SLC38A6: variants seen among roughly 807,000 people sequenced by gnomAD.
SLC38A6 encodes the protein N system amino acid transporter NAT-1.
A neutral mutation model predicts 65.0 loss-of-function variants in SLC38A6; 73 were observed. The ratio of observed to expected loss-of-function variants is 1.12; its 90% CI spans 0.93 to 1.37. The LOEUF (loss-of-function observed/expected upper bound fraction) is 1.37, where lower values mean the gene tolerates loss of function less well. Among genes scored for constraint, SLC38A6 ranks in the 40% most tolerant of loss-of-function variants. The pLI, the probability that SLC38A6 is intolerant of heterozygous loss-of-function variation, is 0.00. For synonymous variants in SLC38A6, 183 were observed against 178.8 expected (o/e 1.02, Z -0.19); for missense variants, 561 against 531.1 (o/e 1.06, Z -0.55).
chr14:61,032,026 T>C (rs1268926061), intron 6 of SLC38A6, among the ~76,000 whole-genome samples: 1 of 151,888 alleles, frequency 6.6e-6, no homozygotes, highest in Non-Finnish European at 1.5e-5. Context: ...ATACACATGC[T>C]AATAGCATGT....
chr14:60,987,515 C>G (rs2037544339), intron 3 of SLC38A6: 1 of 152,214 alleles, frequency 6.6e-6, no homozygotes, highest in Non-Finnish European at 1.5e-5. Flanking sequence ...CGTTTGTCAT[C>G]TGTAAAATGG....
intron 6 of SLC38A6, among the ~76,000 whole-genome samples, chr14:61,033,579 A>G (rs2041151380): frequency 6.6e-6 from 1 of 152,106 alleles, no homozygotes; most frequent in South Asian, 2.1e-4. Context: ...TGTATTTAAT[A>G]TGTACTTTTT....
chr14:61,016,005 T>C, intron 4 of SLC38A6, 49 bp downstream of exon 4: 1 of 1,453,402 alleles, frequency 6.9e-7, no homozygotes, highest in Non-Finnish European at 9.4e-7. Flanking sequence ...GTGGCATTTT[T>C]CCTTTTGTTT....
At chr14:61,013,718 T>C (rs571849109) in intron 3 of SLC38A6, among the ~76,000 whole-genome samples, 73 of 152,368 alleles carry the variant, frequency 4.8e-4, no homozygotes, top group African/African-American at 1.6e-3. Flanking sequence ...TGGCCCCCAA[T>C]GTCTTCTGGC....
chr14:60,987,446 A>G (rs2037536048), intron 3 of SLC38A6: 2 of 152,588 alleles, frequency 1.3e-5, no homozygotes, highest in East Asian at 1.9e-4. Flanking sequence ...TTTGGGGTCT[A>G]TCAGGACTTT....
chr14:61,061,011 G>C (rs1026556326), intron 15 of SLC38A6, among the ~76,000 whole-genome samples: 1 of 151,640 alleles, frequency 6.6e-6, no homozygotes, highest in Non-Finnish European at 1.5e-5. Context: ...ACTGGCCTGC[G>C]CCCACTGTCT....
chr14:61,017,821 G>T (rs188512123), intron 4 of SLC38A6, among the ~76,000 whole-genome samples: 103 of 152,306 alleles, frequency 6.8e-4, no homozygotes, highest in African/African-American at 2.4e-3. Context: ...TCTGAATGAG[G>T]AGTTGTTGTT....
intron 3 of SLC38A6, among the ~76,000 whole-genome samples, chr14:60,992,245 G>C (rs1380756288): frequency 5.3e-5 from 8 of 152,144 alleles, no homozygotes; most frequent in African/African-American, 1.9e-4. Context: ...CCATTTAGAT[G>C]TTCCAGAGGC....
At chr14:60,988,273 C>G (rs1325268069) in intron 3 of SLC38A6, among the ~76,000 whole-genome samples, 1 of 152,110 alleles carries the variant, frequency 6.6e-6, no homozygotes, top group Admixed American at 6.5e-5. Context: ...TCTCCTTGAA[C>G]CCCCCAGCTT....
chr14:60,987,490 A>T (rs1454113533), intron 3 of SLC38A6: 1 of 152,212 alleles, frequency 6.6e-6, no homozygotes, highest in African/African-American at 2.4e-5. Context: ...AAAGAACCTT[A>T]TTCTCTCTAG....
intron 6 of SLC38A6, among the ~76,000 whole-genome samples, chr14:61,031,877 T>G (rs568151260): frequency 6.6e-6 from 1 of 152,072 alleles, no homozygotes; most frequent in African/African-American, 2.4e-5. Context: ...CCATTTAATA[T>G]TCAATAATCT....
At chr14:61,003,819 AACAAAAGAAG>A (rs926770343) in intron 3 of SLC38A6, among the ~76,000 whole-genome samples, 2 of 152,156 alleles carry the variant, frequency 1.3e-5, no homozygotes, top group Non-Finnish European at 2.9e-5. Context: ...TAATTTTTGC[AACAAAAGAAG>A]TCTGATGGCA....
intron 3 of SLC38A6, among the ~76,000 whole-genome samples, chr14:60,985,068 A>G (rs1457812845): frequency 6.6e-6 from 1 of 152,114 alleles, no homozygotes; most frequent in Admixed American, 6.5e-5. Flanking sequence ...AGAGTAGATC[A>G]TGGGAGGGTC....
chr14:61,024,754 ATCT>A (rs1403759618), intron 5 of SLC38A6, among the ~76,000 whole-genome samples: 4 of 152,194 alleles, frequency 2.6e-5, no homozygotes, highest in Non-Finnish European at 4.4e-5. Context: ...CATCCCAATC[ATCT>A]TCTTAGTCAA....
At chr14:61,036,949 T>C in intron 6 of SLC38A6, 110 bp from the exon 7 acceptor site, 1 of 581,258 alleles carries the variant, frequency 1.7e-6, no homozygotes, top group Non-Finnish European at 3.0e-6. Context: ...CTGGTTGTAA[T>C]GGTTATAACT....
intron 5 of SLC38A6, among the ~76,000 whole-genome samples, chr14:61,020,349 C>T (rs1448537249): frequency 1.3e-5 from 2 of 152,106 alleles, no homozygotes; most frequent in Admixed American, 6.5e-5. Flanking sequence ...TACTTTGGAT[C>T]TTATACAGGA....
At chr14:60,996,040 G>A (rs1471665108) in intron 3 of SLC38A6, among the ~76,000 whole-genome samples, 2 of 152,206 alleles carry the variant, frequency 1.3e-5, no homozygotes, top group African/African-American at 4.8e-5. Context: ...GTGTGATAAT[G>A]ACATGTTAAT....
chr14:60,983,012 G>A (rs1249967206), intron 2 of SLC38A6, among the ~76,000 whole-genome samples: 2 of 152,006 alleles, frequency 1.3e-5, no homozygotes, highest in African/African-American at 4.8e-5. Context: ...TTCATTCCTC[G>A]CTGTCTCTTT....
At chr14:61,050,030 G>A (rs932217604) in intron 12 of SLC38A6, among the ~76,000 whole-genome samples, 2 of 152,100 alleles carry the variant, frequency 1.3e-5, no homozygotes, top group African/African-American at 2.4e-5. Flanking sequence ...TCTAGAAAAC[G>A]TTGTGGTATT....
Sources: allele counts gnomAD v4.1 joint callset (sites outside exome capture counted in the v4.1 genomes callset), GRCh38; gene constraint gnomAD v4.1.1; transcripts MANE v1.5; gene names NCBI Gene and HGNC (gene_info 2026-07-23, HGNC 2026-07-21).